Variants in TBC1D5 observed in about 807,000 individuals in gnomAD.
TBC1D5 encodes the protein TBC1 domain family member 5, also known as TBC1 domain family, member 5.
In TBC1D5, 75 loss-of-function variants were observed where a neutral mutation model predicts 100.3. The ratio of observed to expected loss-of-function variants is 0.75; its 90% CI spans 0.62 to 0.91. TBC1D5 has a LOEUF of 0.91. TBC1D5 is among the 40% of genes least tolerant of loss of function. The pLI is 0.00. For missense variants in TBC1D5, 910 were observed against 942.4 expected (o/e 0.97, Z 0.45); for synonymous variants, 323 against 325.6 (o/e 0.99, Z 0.09).
intron 2 of TBC1D5, among the ~76,000 whole-genome samples, chr3:17,556,987 A>T (rs1246256788): frequency 1.3e-5 from 2 of 152,162 alleles, no homozygotes; most frequent in African/African-American, 4.8e-5. Flanking sequence ...ACATTTTTAT[A>T]TTGCTACAAA....
chr3:17,310,127 C>T (rs2083853720), intron 13 of TBC1D5, among the ~76,000 whole-genome samples: 1 of 152,080 alleles, frequency 6.6e-6, no homozygotes, highest in Non-Finnish European at 1.5e-5. Flanking sequence ...GAAATAATTT[C>T]TATACCCATT....
exon 22 of TBC1D5, chr3:17,158,550 G>A (rs571440175): frequency 2.0e-5 from 3 of 152,308 alleles, no homozygotes; most frequent in East Asian, 3.9e-4. Context: ...TTTGAGGCTG[G>A]TACTACCCAT....
intron 19 of TBC1D5, among the ~76,000 whole-genome samples, chr3:17,179,453 A>T (rs558571230): frequency 9.3e-4 from 141 of 152,342 alleles, no homozygotes; most frequent in African/African-American, 3.3e-3. Context: ...TTCATGCATA[A>T]ATATTATGAC....
At chr3:17,440,933 T>C (rs1359199562) in intron 3 of TBC1D5, among the ~76,000 whole-genome samples, 1 of 152,168 alleles carries the variant, frequency 6.6e-6, no homozygotes, top group Non-Finnish European at 1.5e-5. Context: ...TGAGCCACCG[T>C]GTCCCACCAA....
chr3:17,677,551 C>G (rs917567822), intron 1 of TBC1D5, among the ~76,000 whole-genome samples: 3 of 152,166 alleles, frequency 2.0e-5, no homozygotes, highest in African/African-American at 7.2e-5. Context: ...GTTGGTGGGA[C>G]TGTAAACTAG....
chr3:17,554,056 T>C (rs1390083276), intron 2 of TBC1D5, among the ~76,000 whole-genome samples: 1 of 152,174 alleles, frequency 6.6e-6, no homozygotes, highest in Non-Finnish European at 1.5e-5. Flanking sequence ...TTTAGTCAAC[T>C]TTCACCTCAT....
chr3:17,613,076 T>G (rs2153626702), intron 2 of TBC1D5, among the ~76,000 whole-genome samples: 1 of 152,210 alleles, frequency 6.6e-6, no homozygotes, highest in East Asian at 1.9e-4. Flanking sequence ...TGATGTTCCC[T>G]TCCCTGTGTC....
rs368313524 is a variant in TBC1D5 at position 17,177,735 on chromosome 3, ATTTT to A, written c.1852+7370_1852+7373del. 4.0e-4 allele frequency among the ~76,000 whole-genome samples: 59 copies of A among 149,338 alleles called. No homozygotes were observed. In the East Asian group the frequency reaches 8.8e-3, roughly 22 times the overall value. On this transcript the variant is annotated intron_variant, in intron 19 of 21. Coordinates refer to ENST00000253692, the Ensembl canonical transcript of TBC1D5. ...GAATCCTATTGAGATGGCATCTTAA[ATTTT>A]TTTTTTTATTTTTAAATTTTTGCAA... is the stretch of plus-strand genomic sequence containing the variant.
upstream of TBC1D5, among the ~76,000 whole-genome samples, chr3:17,741,270 G>A (rs1028350893): frequency 1.3e-5 from 2 of 152,172 alleles, no homozygotes; most frequent in African/African-American, 4.8e-5. Context: ...AGTGTTCTGT[G>A]ATACTGCAGA....
chr3:17,172,480 G>C lies in TBC1D5; in HGVS notation c.1853-4652C>G, dbSNP rs954500751. ...ACAATTCTCCTCATAGCCAAAGGCA[G>C]AATAAATTTTGCCATAAAGGCTCTT... On this transcript the variant is annotated intron_variant, in intron 19 of 21. Coordinates refer to ENST00000253692, the Ensembl canonical transcript of TBC1D5. Among the ~76,000 whole-genome samples the C allele has an allele frequency of 2.6e-5, 4 of 152,196 alleles. No homozygotes were observed. In the South Asian group the frequency reaches 8.3e-4, roughly 32 times the overall value.
chr3:17,561,233 A>C (rs1179839882), intron 2 of TBC1D5, among the ~76,000 whole-genome samples: 1 of 152,208 alleles, frequency 6.6e-6, no homozygotes, highest in Admixed American at 6.5e-5. Flanking sequence ...CTATGTTATA[A>C]TGAAAAGGTT....
intron 2 of TBC1D5, among the ~76,000 whole-genome samples, chr3:17,608,853 AATC>A (rs1168150133): frequency 6.6e-6 from 1 of 152,172 alleles, no homozygotes; most frequent in Non-Finnish European, 1.5e-5. Flanking sequence ...ACCAGTCACA[AATC>A]ATTATTCTTA....
At chr3:17,675,027 T>A (rs937556189) in intron 1 of TBC1D5, among the ~76,000 whole-genome samples, 1 of 152,070 alleles carries the variant, frequency 6.6e-6, no homozygotes, top group African/African-American at 2.4e-5. Context: ...ATGTTTTTGG[T>A]GTAAAAACTC....
chr3:17,684,661 T>C (rs1019228562), intron 1 of TBC1D5, among the ~76,000 whole-genome samples: 3 of 152,060 alleles, frequency 2.0e-5, no homozygotes, highest in Admixed American at 2.0e-4. Context: ...AGAGAATTAT[T>C]AACTAAGTCA....
chr3:17,514,259 G>A lies in TBC1D5; in HGVS notation c.-35-5654C>T, dbSNP rs190300778. 1.0e-3 allele frequency among the ~76,000 whole-genome samples: 156 copies of A among 152,186 alleles called. 2 individuals carry two copies. In the South Asian group the frequency reaches 0.019, roughly 18 times the overall value. On this transcript the variant is annotated intron_variant, in intron 2 of 21. Transcript: ENST00000253692. ...CAAACCTTTCCAGAATACTTCATTT[G>A]ACAACAGGGGGTCTGTTTCTCACAA... is the stretch of plus-strand genomic sequence containing the variant.
chr3:17,580,130 A>G (rs184890329), intron 2 of TBC1D5, among the ~76,000 whole-genome samples: 2 of 152,296 alleles, frequency 1.3e-5, no homozygotes, highest in East Asian at 1.9e-4. Context: ...CCAACCTGGT[A>G]TAAGAAAGGA....
At chr3:17,638,848 A>G (rs1465854551) in intron 1 of TBC1D5, among the ~76,000 whole-genome samples, 1 of 152,104 alleles carries the variant, frequency 6.6e-6, no homozygotes, top group East Asian at 1.9e-4. Context: ...AATATATAAT[A>G]AAAAATACAG....
chr3:17,482,589 G>A (rs997456648), intron 3 of TBC1D5, among the ~76,000 whole-genome samples: 12 of 152,138 alleles, frequency 7.9e-5, no homozygotes, highest in African/African-American at 2.4e-4. Context: ...ATTCGTTTGA[G>A]TGTCCAGAAA....
chr3:17,599,788 G>A (rs138335189), intron 2 of TBC1D5, among the ~76,000 whole-genome samples: 10 of 152,236 alleles, frequency 6.6e-5, no homozygotes, highest in African/African-American at 2.2e-4. Context: ...GCAAGGTGGC[G>A]GCCAAGTAAG....
Sources: allele counts gnomAD v4.1 joint callset (sites outside exome capture counted in the v4.1 genomes callset), GRCh38; gene constraint gnomAD v4.1.1; transcripts MANE v1.5; gene names NCBI Gene and HGNC (gene_info 2026-07-23, HGNC 2026-07-21).